The following CHST13 variants were observed in gnomAD, a reference collection of about 807,000 sequenced individuals.
The protein encoded by CHST13 is carbohydrate sulfotransferase 13.
Under a neutral mutation model 7.0 loss-of-function variants are expected in CHST13, and 1 was observed. The observed-to-expected ratio is 0.14, with a 90% CI of 0.05 to 0.68. The LOEUF (loss-of-function observed/expected upper bound fraction) is 0.68, where lower values mean the gene tolerates loss of function less well. CHST13 is among the 30% of genes least tolerant of loss of function. The pLI is 0.82. For synonymous variants in CHST13, 257 were observed against 240.9 expected (o/e 1.07, Z -0.62); for missense variants, 572 against 507.9 (o/e 1.13, Z -1.21).
At chr3:126,526,716 C>T (rs1190803689) in intron 1 of CHST13, among the ~76,000 whole-genome samples, 2 of 152,220 alleles carry the variant, frequency 1.3e-5, no homozygotes, top group African/African-American at 4.8e-5. Flanking sequence ...CACTGGCCTA[C>T]TGCTTAGGGT....
intron 1 of CHST13, among the ~76,000 whole-genome samples, chr3:126,531,277 CT>C (rs1200997659): frequency 6.6e-6 from 1 of 152,216 alleles, no homozygotes; most frequent in African/African-American, 2.4e-5. Flanking sequence ...CCCACACAAG[CT>C]GAAGTTTGGG....
rs1936789342 is a variant in CHST13 at position 126,536,287 on chromosome 3, C to T, written c.114C>T (p.Ala38=). The change falls in exon 2 of 3, where the codon GCC becomes GCT. Residue 38 remains alanine, a synonymous_variant. Transcript: ENST00000319340. ...TGCCCACAGCATTTGGAAACAGAGC[C>T]CTGGGCTCCAGCTGGCTTGGTGGGG... ...RSLRPAFGNR[A]LGSSWLGGEK... 2.5e-6 allele frequency: 4 copies of T among 1,613,908 alleles called. No homozygotes were observed. The highest frequency in any genetic ancestry group is 3.4e-6 in the Non-Finnish European group (4 of 1,179,894).
chr3:126,529,298 C>T, intron 1 of CHST13: 1 of 1,287,860 alleles, frequency 7.8e-7, no homozygotes, highest in Non-Finnish European at 1.0e-6. Flanking sequence ...AATCGCATGG[C>T]CTTGAGCAGC....
At position 126,524,351 on chromosome 3, in the gene CHST13, CGGCGGCGCGTGCT is replaced by C. The variant is rs1936492907; in HGVS notation, c.26_38del (p.Arg9ProfsTer65). On this transcript the variant is annotated frameshift_variant, in exon 1 of 3. Transcript: ENST00000319340. LOFTEE classifies it high-confidence loss of function. ...GCACAGCATGGGGAGGCGCTGCTGCCGGCGGCGCGTGCTGGCGGCCGCCTGTCTGGGCGCCGCG... is the reference window on the plus strand; with the variant it reads ...GCACAGCATGGGGAGGCGCTGCTGCCGGCGGCCGCCTGTCTGGGCGCCGCG... 1.6e-6 allele frequency: 2 copies of C among 1,235,522 alleles called. No homozygotes were observed. Among genetic ancestry groups the C allele is most frequent in the Non-Finnish European group, 1.0e-6 (1 of 989,974 alleles). 76.5% of individuals were successfully genotyped at this position (1,235,522 alleles called of 1,614,324 possible).
At chr3:126,539,988 GACAC>G (rs368474448) in intron 2 of CHST13, among the ~76,000 whole-genome samples, 11 of 73,004 alleles carry the variant, frequency 1.5e-4, no homozygotes, top group Admixed American at 3.1e-4. Flanking sequence ...ACACACGCAT[GACAC>G]ACACACACAA....
chr3:126,542,300 G>C lies in CHST13; in HGVS notation c.748G>C (p.Ala250Pro). 6.4e-7 allele frequency: 1 copy of C among 1,566,610 alleles called. No homozygotes were observed. The highest frequency in any genetic ancestry group is 2.4e-5 in the East Asian group (1 of 41,086). ...EEPFNEHWER[A>P]HALCHPCRLR... The stretch of plus-strand genomic sequence containing the variant: ...GCCCTTCAACGAGCACTGGGAGCGC[G>C]CGCACGCGCTCTGCCACCCGTGTCG... Residue 250 changes from alanine to proline, a missense_variant, in exon 3 of 3, where the codon GCG becomes CCG. Transcript: ENST00000319340.
At chr3:126,534,960 C>CA (rs1936737928) in intron 1 of CHST13, among the ~76,000 whole-genome samples, 1 of 118,930 alleles carries the variant, frequency 8.4e-6, no homozygotes, top group Middle Eastern at 9.3e-3. Flanking sequence ...TGTCCCCAGC[C>CA]GGAGACAGAC....
In CHST13 at chr3:126,542,629, C is replaced by T. The variant is rs1936993027; in HGVS notation, c.*51C>T. On this transcript the variant is annotated 3_prime_UTR_variant, in exon 3 of 3. Coordinates refer to ENST00000319340, the MANE Select transcript of CHST13 (RefSeq NM_152889.3). Reference sequence around the variant, plus strand: ...CGGGGCAAGTGCCTTTCCGACAAGACCCCCGGGGAATGCAGGTGCTGCCGG... The same window carrying T: ...CGGGGCAAGTGCCTTTCCGACAAGATCCCCGGGGAATGCAGGTGCTGCCGG... 4 of 1,419,816 alleles carry T rather than the reference C, an allele frequency of 2.8e-6. No homozygotes were observed. Among genetic ancestry groups the T allele is most frequent in the Non-Finnish European group, 2.8e-6 (3 of 1,087,026 alleles). The allele number at this position is 1,419,816 out of a possible 1,614,324, so 88.0% of individuals were successfully genotyped here.
At chr3:126,529,983 A>C (rs920877051) in intron 1 of CHST13, among the ~76,000 whole-genome samples, 5 of 152,204 alleles carry the variant, frequency 3.3e-5, no homozygotes, top group Admixed American at 3.3e-4. Context: ...ACGGGGGTAC[A>C]GAGGACACAG....
At chr3:126,537,891 GCCC>G (rs1936831610) in intron 2 of CHST13, among the ~76,000 whole-genome samples, 1 of 152,232 alleles carries the variant, frequency 6.6e-6, no homozygotes, top group Non-Finnish European at 1.5e-5. Flanking sequence ...GGAGGCAAGT[GCCC>G]TGCAAAGGTC....
chr3:126,530,891 C>T (rs940208245), intron 1 of CHST13, among the ~76,000 whole-genome samples: 4 of 152,262 alleles, frequency 2.6e-5, no homozygotes, highest in African/African-American at 4.8e-5. Context: ...GAGTCTGGCC[C>T]TTGTTCCTGG....
intron 1 of CHST13, 138 bp downstream of exon 1, chr3:126,524,567 G>T (rs1329457051): frequency 2.8e-6 from 1 of 361,746 alleles, no homozygotes; most frequent in East Asian, 4.1e-5. Flanking sequence ...GCGGGCAGGG[G>T]CGCTGGTGAG....
chr3:126,536,154 G>T (rs778721103), intron 1 of CHST13, 117 bp from the exon 2 acceptor site: 3 of 779,382 alleles, frequency 3.8e-6, no homozygotes, highest in African/African-American at 3.4e-5. Context: ...GGCAAGATCC[G>T]GGAAGGAAAT....
chr3:126,524,403 G>A lies in CHST13; in HGVS notation c.71G>A (p.Cys24Tyr). 2.5e-6 allele frequency: 3 copies of A among 1,212,196 alleles called. No individual in the cohort carries two copies. The highest frequency in any genetic ancestry group is 3.1e-6 in the Non-Finnish European group (3 of 970,368). 75.1% of individuals were successfully genotyped at this position (1,212,196 alleles called of 1,614,324 possible). A position where few individuals can be genotyped will look rare whatever the true frequency, so the allele number is the denominator to read the frequency against. Reference sequence around the variant, plus strand: ...CTGGGCGCCGCGCTCCTGCTCCTATGCGCCGCGCCCCGCTCCCTGCGCCCG... The same window carrying A: ...CTGGGCGCCGCGCTCCTGCTCCTATACGCCGCGCCCCGCTCCCTGCGCCCG... ...ACLGAALLLL[C>Y]AAPRSLRPAF... Residue 24 changes from cysteine (C) to tyrosine (Y), a missense_variant, in exon 1 of 3, where the codon TGC becomes TAC. By Grantham distance (194) the Cys-to-Tyr change is radical. Coordinates refer to ENST00000319340, the MANE Select transcript of CHST13 (RefSeq NM_152889.3).
At chr3:126,535,761 G>T (rs551240863) in intron 1 of CHST13, among the ~76,000 whole-genome samples, 6 of 152,392 alleles carry the variant, frequency 3.9e-5, no homozygotes, top group Admixed American at 2.6e-4. Flanking sequence ...GCTGTCACAG[G>T]CATCCACAGT....
intron 1 of CHST13, among the ~76,000 whole-genome samples, chr3:126,535,662 GAGAC>G (rs1207473250): frequency 6.6e-6 from 1 of 152,192 alleles, no homozygotes; most frequent in Non-Finnish European, 1.5e-5. Context: ...TCCTCAGCTG[GAGAC>G]AGACAGACAG....
chr3:126,532,369 CG>C (rs1576749172), intron 1 of CHST13, among the ~76,000 whole-genome samples: 1 of 152,124 alleles, frequency 6.6e-6, no homozygotes, highest in Non-Finnish European at 1.5e-5. Context: ...AGATTTATGT[CG>C]GTGTTTTCAC....
Position 126,541,747 on chromosome 3 carries a change from C to T in CHST13, c.195C>T (p.Thr65=). The T allele has an allele frequency of 6.7e-7, 1 of 1,492,316 alleles. No homozygotes were observed. Among genetic ancestry groups the T allele is most frequent in the Non-Finnish European group, 8.9e-7 (1 of 1,122,938 alleles). The allele number at this position is 1,492,316 out of a possible 1,614,324, so 92.4% of individuals were successfully genotyped here. The change falls in exon 3 of 3, where the codon ACC becomes ACT. Residue 65 remains threonine (T), a synonymous_variant. Coordinates refer to ENST00000319340, the MANE Select transcript of CHST13 (RefSeq NM_152889.3). ...LYDLDQDPRS[T]LAKVHRQRRD... ...GTCGCCCACAGGACCCGCGCTCGAC[C>T]CTGGCGAAGGTGCACCGGCAGCGGC...
chr3:126,525,535 A>T (rs1040919009), intron 1 of CHST13, among the ~76,000 whole-genome samples: 4 of 151,824 alleles, frequency 2.6e-5, no homozygotes, highest in Admixed American at 6.6e-5. Flanking sequence ...CACCCCCACA[A>T]CCCCTTCTGT....
Sources: allele counts gnomAD v4.1 joint callset (sites outside exome capture counted in the v4.1 genomes callset), GRCh38; gene constraint gnomAD v4.1.1; transcripts MANE v1.5; gene names NCBI Gene and HGNC (gene_info 2026-07-23, HGNC 2026-07-21).